Variants in FGF12 observed in about 807,000 individuals in gnomAD.
FGF12 encodes fibroblast growth factor 12B.
A neutral mutation model predicts 23.6 loss-of-function variants in FGF12; 14 were observed. The ratio of observed to expected loss-of-function variants is 0.59; its 90% CI spans 0.39 to 0.93. FGF12 has a LOEUF of 0.93. Ranked by LOEUF, FGF12 falls within the 40% of genes least tolerant of loss-of-function variation. The pLI is 0.00. For missense variants in FGF12, 175 were observed against 217.8 expected, an observed-to-expected ratio of 0.80 and a Z score of 1.24; for synonymous variants, 62 against 77.3, an observed-to-expected ratio of 0.80 and a Z score of 1.04.
intron 4 of FGF12, among the ~76,000 whole-genome samples, chr3:192,217,227 A>C (rs1213447777): frequency 6.6e-6 from 1 of 152,214 alleles, no homozygotes; most frequent in African/African-American, 2.4e-5. Context: ...TTTGAGGATA[A>C]AACGAGTTAA....
At chr3:192,381,786 A>T (rs1393894597) in intron 2 of FGF12, among the ~76,000 whole-genome samples, 1 of 152,064 alleles carries the variant, frequency 6.6e-6, no homozygotes, top group Non-Finnish European at 1.5e-5. Context: ...TTTTTGGTGA[A>T]TTTTTTTGGT....
At chr3:192,511,024 CA>C (rs1724454948) in intron 2 of FGF12, among the ~76,000 whole-genome samples, 1 of 151,898 alleles carries the variant, frequency 6.6e-6, no homozygotes, top group South Asian at 2.1e-4. Context: ...TTTTTGCCTA[CA>C]GTGTTTCAAT....
At chr3:192,374,417 T>C (rs981872192) in intron 2 of FGF12, among the ~76,000 whole-genome samples, 1 of 152,234 alleles carries the variant, frequency 6.6e-6, no homozygotes, top group Non-Finnish European at 1.5e-5. Flanking sequence ...AACATCTATA[T>C]GTACCACGTA....
intron 2 of FGF12, among the ~76,000 whole-genome samples, chr3:192,453,079 T>G (rs1722575184): frequency 6.6e-6 from 1 of 152,208 alleles, no homozygotes; most frequent in Non-Finnish European, 1.5e-5. Flanking sequence ...ATATTTATTG[T>G]GTCCTCCATA....
chr3:192,384,487 T>G (rs1041426277), intron 2 of FGF12, among the ~76,000 whole-genome samples: 5 of 152,192 alleles, frequency 3.3e-5, no homozygotes, highest in Non-Finnish European at 7.4e-5. Context: ...AATAACATCT[T>G]CATTCTAACA....
intron 2 of FGF12, among the ~76,000 whole-genome samples, chr3:192,643,439 A>T (rs978972237): frequency 9.2e-5 from 14 of 152,190 alleles, no homozygotes; most frequent in African/African-American, 2.9e-4. Context: ...ATGTATCTGC[A>T]ATCTGGCCCC....
At chr3:192,259,217 G>C (rs1282110496) in intron 4 of FGF12, among the ~76,000 whole-genome samples, 1 of 152,086 alleles carries the variant, frequency 6.6e-6, no homozygotes, top group African/African-American at 2.4e-5. Context: ...TATCGGTCTG[G>C]TATCAGAAAA....
chr3:192,316,282 T>C (rs114113120), intron 4 of FGF12, among the ~76,000 whole-genome samples: 3,142 of 151,908 alleles, frequency 0.021, 98 homozygotes, highest in African/African-American at 0.071. Flanking sequence ...CAAAAAAAAA[T>C]CCTTCATAAT....
At chr3:192,176,279 CTT>C (rs1304789144) in intron 4 of FGF12, among the ~76,000 whole-genome samples, 1 of 152,194 alleles carries the variant, frequency 6.6e-6, no homozygotes, top group Non-Finnish European at 1.5e-5. Flanking sequence ...TTTCAAGACT[CTT>C]CAGGTTACAG....
chr3:192,407,949 G>A, intron 2 of FGF12: 1 of 1,449,820 alleles, frequency 6.9e-7, no homozygotes, highest in Non-Finnish European at 9.2e-7. Flanking sequence ...CCCTTCCACG[G>A]GGGTCCCGAG....
At chr3:192,252,413 A>T (rs146950699) in intron 4 of FGF12, among the ~76,000 whole-genome samples, 2 of 132,952 alleles carry the variant, frequency 1.5e-5, no homozygotes, top group Admixed American at 1.7e-4. Flanking sequence ...CAGTGAGCCC[A>T]GATCATGCCC....
intron 2 of FGF12, among the ~76,000 whole-genome samples, chr3:192,570,964 A>G (rs1712605598): frequency 6.6e-6 from 1 of 152,204 alleles, no homozygotes; most frequent in Non-Finnish European, 1.5e-5. Context: ...AAGGGAGGGG[A>G]AACAGACGGG....
In FGF12 at chr3:192,151,943, G is replaced by A. The variant is rs1210592341; in HGVS notation, c.428-7816C>T. Among the ~76,000 whole-genome samples the A allele has an allele frequency of 1.1e-4, 4 of 35,444 alleles. No homozygotes were observed. In the East Asian group the frequency reaches 3.8e-3, roughly 34 times the overall value. The allele number at this position is 35,444 out of a possible 152,430, so 23.3% of individuals were successfully genotyped here. On this transcript the variant is annotated intron_variant, in intron 5 of 5. Transcript: ENST00000445105. Reference sequence around the variant, plus strand: ...TAGAATTCGGCTGTGAATCCATCTGGTCCTGGACTCTTTTTGGTTGGTAAA... The same window carrying A: ...TAGAATTCGGCTGTGAATCCATCTGATCCTGGACTCTTTTTGGTTGGTAAA...
chr3:192,371,971 G>C (rs181853786), intron 2 of FGF12, among the ~76,000 whole-genome samples: 1 of 152,078 alleles, frequency 6.6e-6, no homozygotes, highest in South Asian at 2.1e-4. Context: ...CAGGGGCCAG[G>C]AATAAAAAGC....
intron 5 of FGF12, among the ~76,000 whole-genome samples, chr3:192,168,052 A>G (rs962210621): frequency 2.6e-5 from 4 of 151,836 alleles, no homozygotes; most frequent in Non-Finnish European, 5.9e-5. Flanking sequence ...GGCGTGAGCC[A>G]CCAAGCCTGG....
chr3:192,587,501 T>C (rs528891046), intron 2 of FGF12, among the ~76,000 whole-genome samples: 1 of 151,984 alleles, frequency 6.6e-6, no homozygotes. Flanking sequence ...AGAAATAAAT[T>C]CATGCCGAAA....
intron 2 of FGF12, among the ~76,000 whole-genome samples, chr3:192,577,154 T>C (rs1395427358): frequency 6.6e-6 from 1 of 152,120 alleles, no homozygotes; most frequent in Non-Finnish European, 1.5e-5. Flanking sequence ...TGTATACCTA[T>C]GTAACAAACC....
chr3:192,620,258 G>GCA lies in FGF12; in HGVS notation c.13+106921_13+106922dup, dbSNP rs5855440. Among the ~76,000 whole-genome samples, 255 of 151,350 alleles carry GCA rather than the reference G, an allele frequency of 1.7e-3. 1 individual carries two copies. The highest frequency in any genetic ancestry group is 0.015 in the South Asian group (73 of 4,782). On this transcript the variant is annotated intron_variant, in intron 2 of 5. Transcript: ENST00000445105. ...CACACACACGCGCGCGCGCGCGCAC[G>GCA]CACACACACACACACACTCAAACCT...
At chr3:192,540,241 T>C (rs574554544) in intron 2 of FGF12, among the ~76,000 whole-genome samples, 1 of 152,104 alleles carries the variant, frequency 6.6e-6, no homozygotes, top group Non-Finnish European at 1.5e-5. Flanking sequence ...GGTAGTTTAT[T>C]TGAAGTTTCT....
Sources: allele counts gnomAD v4.1 joint callset (sites outside exome capture counted in the v4.1 genomes callset), GRCh38; gene constraint gnomAD v4.1.1; transcripts MANE v1.5; gene names NCBI Gene and HGNC (gene_info 2026-07-23, HGNC 2026-07-21).